Variants in CD3D observed in about 807,000 individuals in gnomAD.
CD3D encodes the protein T-cell surface glycoprotein CD3 delta chain.
A neutral mutation model predicts 22.0 loss-of-function variants in CD3D; 22 were observed. The observed-to-expected ratio is 1.00, with a 90% CI of 0.71 to 1.43. The LOEUF (loss-of-function observed/expected upper bound fraction) is 1.43. CD3D is among the 40% of genes most tolerant of loss of function. The pLI, the probability that CD3D is intolerant of heterozygous loss-of-function variation, is 0.00. For synonymous variants in CD3D, 74 were observed against 81.2 expected, an observed-to-expected ratio of 0.91 and a Z score of 0.48; for missense variants, 205 against 211.7, an observed-to-expected ratio of 0.97 and a Z score of 0.20.
chr11:118,340,892 C>A (rs1251616956), intron 1 of CD3D: 3 of 595,356 alleles, frequency 5.0e-6, no homozygotes, highest in Non-Finnish European at 6.3e-6. Flanking sequence ...GAATCCAGAC[C>A]ACTGATGAGG....
intron 1 of CD3D, chr11:118,341,054 T>TC (rs1948295792): frequency 2.4e-6 from 1 of 424,436 alleles, no homozygotes; most frequent in Admixed American, 2.5e-5. Flanking sequence ...CTTCTTATCC[T>TC]CATCCTTCCT....
At chr11:118,340,019 A>G in intron 2 of CD3D, 113 bp from the exon 3 acceptor site, 3 of 1,287,352 alleles carry the variant, frequency 2.3e-6, no homozygotes, top group Non-Finnish European at 3.4e-6. Flanking sequence ...AAACTTCAAT[A>G]AGACCCTGGG....
chr11:118,341,454 C>T (rs966684138), intron 1 of CD3D, among the ~76,000 whole-genome samples: 2 of 152,208 alleles, frequency 1.3e-5, no homozygotes, highest in Non-Finnish European at 2.9e-5. Context: ...TACATTCATT[C>T]ATCCTGGGCT....
chr11:118,342,543 G>A lies in CD3D; in HGVS notation c.55+10C>T. On this transcript the variant is annotated intron_variant, in intron 1 of 4. Transcript: ENST00000300692. ...AGGTCCCTTCCCCCACCCACCTGGA[G>A]TAGCCTTACCTTGCGAGAGAAGGGT... The A allele has an allele frequency of 1.2e-6, 2 of 1,612,968 alleles. No homozygotes were observed. The highest frequency in any genetic ancestry group is 2.2e-5 in the East Asian group (1 of 44,858).
chr11:118,340,632 T>C, intron 1 of CD3D, 39 bp from the exon 2 acceptor site: 1 of 1,406,444 alleles, frequency 7.1e-7, no homozygotes, highest in Admixed American at 1.8e-5. Context: ...GACAGCTCTT[T>C]GATCTGCACC....
chr11:118,340,847 C>A (rs1213641676), intron 1 of CD3D: 1 of 646,276 alleles, frequency 1.5e-6, no homozygotes, highest in Admixed American at 2.1e-5. Context: ...GAGGACCCCT[C>A]AGAGCAGGAT....
At chr11:118,340,715 A>C (rs973204628) in intron 1 of CD3D, 122 bp from the exon 2 acceptor site, 15 of 758,986 alleles carry the variant, frequency 2.0e-5, no homozygotes, top group Non-Finnish European at 3.0e-5. Context: ...TATGGCTTCC[A>C]TCAAGAGAGA....
rs369351044 is a variant in CD3D, at chr11:118,339,841, C to T, written c.340G>A (p.Ala114Thr). Residue 114 changes from alanine to threonine, a missense_variant, in exon 3 of 5, where the codon GCC (alanine) becomes ACC (threonine). Coordinates refer to ENST00000300692, the MANE Select transcript of CD3D (RefSeq NM_000732.6). ...VAGIIVTDVI[A>T]TLLLALGVFC... The stretch of plus-strand genomic sequence containing the variant: ...ACTCCCAAAGCAAGGAGCAGAGTGG[C>T]AATGACATCAGTGACAATGATGCCA... 6.2e-7 allele frequency: 1 copy of T among 1,613,922 alleles called. No individual in the cohort carries two copies. The highest frequency in any genetic ancestry group is 8.5e-7 in the Non-Finnish European group (1 of 1,179,958).
intron 1 of CD3D, 99 bp from the exon 2 acceptor site, chr11:118,340,692 G>C (rs1565518086): frequency 9.4e-6 from 8 of 849,616 alleles, no homozygotes; most frequent in Non-Finnish European, 2.0e-6. Flanking sequence ...CATTTTCCTG[G>C]TCCAGGACAG....
At chr11:118,341,753 C>A (rs930813911) in intron 1 of CD3D, among the ~76,000 whole-genome samples, 1 of 152,178 alleles carries the variant, frequency 6.6e-6, no homozygotes, top group South Asian at 2.1e-4. Context: ...CTGAAATTGG[C>A]AAACTGAGAT....
intron 2 of CD3D, among the ~76,000 whole-genome samples, chr11:118,340,119 T>C (rs1413614080): frequency 1.3e-5 from 2 of 152,126 alleles, no homozygotes; most frequent in African/African-American, 4.8e-5. Flanking sequence ...TCTCAGCTTT[T>C]GGGACCTTGA....
chr11:118,340,976 G>A, intron 1 of CD3D: 3 of 481,252 alleles, frequency 6.2e-6, no homozygotes, highest in Non-Finnish European at 1.2e-5. Context: ...GATTGGAAAT[G>A]TCTGCATTTT....
At chr11:118,339,738 AC>A in intron 3 of CD3D, 36 bp downstream of exon 3, 1 of 1,611,198 alleles carries the variant, frequency 6.2e-7, no homozygotes. Flanking sequence ...ACACACACAC[AC>A]ACAAACACAC....
chr11:118,340,462 G>A lies in CD3D; in HGVS notation c.187C>T (p.Arg63Cys), dbSNP rs149264725. The A allele has an allele frequency of 4.3e-5, 70 of 1,613,902 alleles. No individual in the cohort carries two copies. Among genetic ancestry groups the A allele is most frequent in the South Asian group, 5.5e-5 (5 of 91,062 alleles). Residue 63 changes from arginine to cysteine, a missense_variant, in exon 2 of 5, where the codon CGC (arginine) becomes TGC (cysteine). Transcript: ENST00000300692. ...TATATTCCTCGTGGGTCCAGGATGC[G>A]TTTTCCCAGGTCCAGTCTTGTAATG... ...SDITRLDLGK[R>C]ILDPRGIYRC...
chr11:118,339,966 T>G (rs1948285822), intron 2 of CD3D, 60 bp from the exon 3 acceptor site: 16 of 1,605,954 alleles, frequency 1.0e-5, no homozygotes, highest in Non-Finnish European at 1.4e-5. Context: ...GGAACCATCC[T>G]CTGCCTCCTA....
intron 1 of CD3D, among the ~76,000 whole-genome samples, chr11:118,341,562 G>C (rs995928751): frequency 2.6e-5 from 4 of 152,186 alleles, no homozygotes; most frequent in Admixed American, 2.6e-4. Context: ...GTATATGCAT[G>C]TATCCTCAGG....
At position 118,340,402 on chromosome 11, in the gene CD3D, C is replaced by A; in HGVS notation, c.247G>T (p.Glu83Ter). 1 of 1,614,092 alleles carries A rather than the reference C, an allele frequency of 6.2e-7. No individual in the cohort carries two copies. The highest frequency in any genetic ancestry group is 8.5e-7 in the Non-Finnish European group (1 of 1,179,948). ...CNGTDIYKDK[E>*]STVQVHYRMC... is the part of the protein sequence containing the mutation. Reference sequence around the variant, plus strand: ...CGATAATGAACTTGCACGGTAGATTCTTTGTCCTTGTATATATCTGTCCCA... The same window carrying A: ...CGATAATGAACTTGCACGGTAGATTATTTGTCCTTGTATATATCTGTCCCA... The change falls in exon 2 of 5, where the codon GAA becomes TAA. Residue 83 changes from glutamate to a stop codon, truncating the protein, a stop_gained. Transcript: ENST00000300692. LOFTEE classifies it high-confidence loss of function.
chr11:118,339,220 C>T lies in CD3D; in HGVS notation c.458G>A (p.Arg153Gln), dbSNP rs375444192. 42 of 1,613,764 alleles carry T rather than the reference C, an allele frequency of 2.6e-5. No individual in the cohort carries two copies. Among genetic ancestry groups the T allele is most frequent in the East Asian group, 4.5e-5 (2 of 44,890 alleles). Reference sequence around the variant, plus strand: ...GCTGTACTGAGCATCATCTCGATCTCGGAGGGGCTAAGAGAGGAGAAGAGA... The same window carrying T: ...GCTGTACTGAGCATCATCTCGATCTTGGAGGGGCTAAGAGAGGAGAAGAGA... ...LRNDQVYQPLRDRDDAQYSHL... is the reference protein window; with the variant it reads ...LRNDQVYQPLQDRDDAQYSHL... Residue 153 changes from arginine (R) to glutamine (Q), a missense_variant, in exon 5 of 5, where the codon CGA becomes CAA. Transcript: ENST00000300692.
chr11:118,341,543 A>G lies in CD3D; in HGVS notation c.56-950T>C, dbSNP rs1240587720. ...CAGCTGTTGCTCACACTTCTGAAGCAGGTTGGAAGTATATGCATGTATCCT... is the reference window on the plus strand; with the variant it reads ...CAGCTGTTGCTCACACTTCTGAAGCGGGTTGGAAGTATATGCATGTATCCT... On this transcript the variant is annotated intron_variant, in intron 1 of 4. Transcript: ENST00000300692. Among the ~76,000 whole-genome samples, 3 of 152,290 alleles carry G rather than the reference A, an allele frequency of 2.0e-5. No homozygotes were observed. In the East Asian group the frequency reaches 5.8e-4, roughly 29 times the overall value.
Sources: gnomAD v4.1 joint callset for allele counts (sites outside exome capture counted in the v4.1 genomes callset) on GRCh38, gnomAD v4.1.1 for gene constraint, MANE v1.5 for transcripts, NCBI Gene and HGNC (gene_info 2026-07-23, HGNC 2026-07-21) for gene names.